The following CALN1 variants were observed in gnomAD, a reference collection of about 807,000 sequenced individuals.
CALN1 encodes the protein calcium-binding protein 8.
In CALN1, 17 loss-of-function variants were observed where a neutral mutation model predicts 30.6. The ratio of observed to expected loss-of-function variants is 0.56; its 90% confidence interval spans 0.38 to 0.83. CALN1 has a LOEUF of 0.83. CALN1 is among the 40% of genes least tolerant of loss of function. The probability of loss-of-function intolerance (pLI) is 0.00; values close to 1 mark genes in which losing one functional copy is unlikely to be tolerated. For synonymous variants in CALN1, 156 were observed against 131.4 expected, an observed-to-expected ratio of 1.19 and a Z score of -1.28; for missense variants, 291 against 354.9, an observed-to-expected ratio of 0.82 and a Z score of 1.45.
chr7:71,938,005 T>C (rs1795933491), intron 5 of CALN1, among the ~76,000 whole-genome samples: 1 of 152,088 alleles, frequency 6.6e-6, no homozygotes, highest in Non-Finnish European at 1.5e-5. Context: ...CTTGGGAGGG[T>C]TAGGGAAAGA....
chr7:71,980,798 G>C (rs1164869744), intron 5 of CALN1, among the ~76,000 whole-genome samples: 1 of 143,150 alleles, frequency 7.0e-6, no homozygotes, highest in Non-Finnish European at 1.5e-5. Context: ...TACAGAAACA[G>C]AGAGAGGTAG....
intron 4 of CALN1, among the ~76,000 whole-genome samples, chr7:72,100,737 G>A (rs1806592664): frequency 2.0e-5 from 3 of 147,358 alleles, no homozygotes; most frequent in East Asian, 2.2e-4. Context: ...GGAGAATGGC[G>A]TGAACCTGGG....
intron 5 of CALN1, among the ~76,000 whole-genome samples, chr7:71,851,122 G>A (rs1307539268): frequency 6.6e-6 from 1 of 151,968 alleles, no homozygotes; most frequent in Admixed American, 6.6e-5. Context: ...AGGCTAAGGT[G>A]TGAGGGTTGC....
chr7:71,857,586 T>C (rs1214299599), intron 5 of CALN1, among the ~76,000 whole-genome samples: 1 of 152,120 alleles, frequency 6.6e-6, no homozygotes, highest in Admixed American at 6.5e-5. Flanking sequence ...CCGACTCCTC[T>C]TCCCTCTCCT....
At chr7:72,088,672 C>G (rs2129539509) in intron 4 of CALN1, among the ~76,000 whole-genome samples, 1 of 144,826 alleles carries the variant, frequency 6.9e-6, no homozygotes, top group South Asian at 2.2e-4. Context: ...GCACTCCAGC[C>G]TGGGAGACAG....
At chr7:72,294,448 T>A (rs1278878088) in intron 2 of CALN1, among the ~76,000 whole-genome samples, 12 of 151,998 alleles carry the variant, frequency 7.9e-5, no homozygotes. Flanking sequence ...GTAAAAATAA[T>A]TTAAATATAA....
chr7:72,229,743 G>A (rs1793947062), intron 3 of CALN1, among the ~76,000 whole-genome samples: 1 of 151,910 alleles, frequency 6.6e-6, no homozygotes. Context: ...GAGAACACAT[G>A]GACACAGGGA....
chr7:72,501,648 CTA>C, the CALN1 span, among the ~76,000 whole-genome samples: 1 of 149,706 alleles, frequency 6.7e-6, no homozygotes, highest in African/African-American at 2.5e-5. Context: ...CAGTGGCTCA[CTA>C]CTGTAATCCC....
At chr7:72,077,633 T>C (rs576308296) in intron 4 of CALN1, among the ~76,000 whole-genome samples, 1 of 152,268 alleles carries the variant, frequency 6.6e-6, no homozygotes, top group African/African-American at 2.4e-5. Context: ...CAAAGGAGTC[T>C]TGTTTTCCCT....
intron 1 of CALN1, among the ~76,000 whole-genome samples, chr7:72,411,101 A>G (rs1289737146): frequency 6.6e-6 from 1 of 152,234 alleles, no homozygotes; most frequent in Non-Finnish European, 1.5e-5. Flanking sequence ...GAAACAGAAG[A>G]TAATGTATGA....
rs1246775378 is a variant in CALN1, at chr7:71,972,004, A to AG, written c.501+51652_501+51653insC. The stretch of plus-strand genomic sequence containing the variant: ...AAGAAAGAAAGAAAGAGAAAGAAAG[A>AG]AAAAAAGAAAGAAAAGAAAGAAAGA... On this transcript the variant is annotated intron_variant, in intron 5 of 6. Transcript: ENST00000395275. 1.7e-3 allele frequency among the ~76,000 whole-genome samples: 251 copies of AG among 145,882 alleles called. 4 individuals are homozygous for AG. The highest frequency in any genetic ancestry group is 0.014 in the Admixed American group (191 of 13,840).
chr7:71,959,876 G>A (rs1265607797), intron 5 of CALN1, among the ~76,000 whole-genome samples: 1 of 152,118 alleles, frequency 6.6e-6, no homozygotes, highest in Non-Finnish European at 1.5e-5. Context: ...GCTCAGGCCT[G>A]TAATCCCAGC....
At chr7:72,275,839 A>AT (rs2129553831) in intron 3 of CALN1, among the ~76,000 whole-genome samples, 1 of 152,268 alleles carries the variant, frequency 6.6e-6, no homozygotes, top group Non-Finnish European at 1.5e-5. Flanking sequence ...TTGTCCAGGA[A>AT]AGTGGAGGGC....
At chr7:72,042,075 C>T (rs975850608) in intron 4 of CALN1, among the ~76,000 whole-genome samples, 2 of 152,092 alleles carry the variant, frequency 1.3e-5, no homozygotes, top group Admixed American at 6.5e-5. Flanking sequence ...GACAGCAGCA[C>T]CAGAATTTTT....
At chr7:72,215,045 C>T (rs150651797) in intron 3 of CALN1, among the ~76,000 whole-genome samples, 90 of 152,100 alleles carry the variant, frequency 5.9e-4, no homozygotes, top group African/African-American at 1.5e-3. Context: ...AAATAAAGTG[C>T]ACAATAAATG....
intron 2 of CALN1, 124 bp downstream of exon 2, chr7:72,403,127 T>C (rs2129562131): frequency 1.5e-6 from 1 of 659,806 alleles, no homozygotes; most frequent in South Asian, 2.1e-5. Flanking sequence ...AGGTGTCCAT[T>C]TCATAGATTC....
chr7:72,483,811 T>G, the CALN1 span, among the ~76,000 whole-genome samples: 1 of 146,244 alleles, frequency 6.8e-6, no homozygotes, highest in Non-Finnish European at 1.5e-5. Flanking sequence ...TCTCGGTGGT[T>G]CATTTTGGAT....
At chr7:72,351,166 T>A (rs1237234271) in intron 2 of CALN1, among the ~76,000 whole-genome samples, 3 of 152,108 alleles carry the variant, frequency 2.0e-5, no homozygotes, top group Admixed American at 2.0e-4. Flanking sequence ...TTTTTAATTT[T>A]AAAAAATAAA....
chr7:72,191,648 G>A (rs552484639), intron 3 of CALN1, among the ~76,000 whole-genome samples: 1 of 151,870 alleles, frequency 6.6e-6, no homozygotes, highest in Non-Finnish European at 1.5e-5. Context: ...AGGACATGAG[G>A]CTGGTCAAAT....
Sources: allele counts gnomAD v4.1 joint callset (sites outside exome capture counted in the v4.1 genomes callset), GRCh38; gene constraint gnomAD v4.1.1; transcripts MANE v1.5; gene names NCBI Gene and HGNC (gene_info 2026-07-23, HGNC 2026-07-21).